FBXW8: variants seen among roughly 807,000 people sequenced by gnomAD.
FBXW8 encodes F-box/WD repeat-containing protein 8.
In FBXW8, 57 loss-of-function variants were observed where a neutral mutation model predicts 65.3. The observed-to-expected ratio is 0.87, with a 90% confidence interval of 0.71 to 1.09. The LOEUF (loss-of-function observed/expected upper bound fraction) is 1.09, where lower values mean the gene tolerates loss of function less well. Ranked by LOEUF, FBXW8 falls within the 50% of genes least tolerant of loss-of-function variation. The pLI, the probability that FBXW8 is intolerant of heterozygous loss-of-function variation, is 0.00. For missense variants in FBXW8, 777 were observed against 814.8 expected (o/e 0.95, Z 0.57); for synonymous variants, 308 against 330.2 (o/e 0.93, Z 0.73).
intron 5 of FBXW8, among the ~76,000 whole-genome samples, chr12:116,975,701 A>G (rs1006272699): frequency 2.0e-5 from 3 of 152,256 alleles, no homozygotes; most frequent in Admixed American, 6.5e-5. Context: ...CTCCTGATAC[A>G]TAATGCACTG....
intron 9 of FBXW8, 120 bp from the exon 10 acceptor site, chr12:117,027,274 A>G (rs2135730332): frequency 1.3e-6 from 1 of 757,742 alleles, no homozygotes; most frequent in Non-Finnish European, 2.3e-6. Context: ...TCCCTCTGTG[A>G]AAGAGAAGCT....
chr12:116,954,339 C>G (rs1461213815), intron 4 of FBXW8, among the ~76,000 whole-genome samples: 1 of 152,030 alleles, frequency 6.6e-6, no homozygotes. Flanking sequence ...CCTCACCAAA[C>G]TGATGAATTT....
At chr12:116,916,353 TTTC>T (rs1286079346) in intron 1 of FBXW8, among the ~76,000 whole-genome samples, 5 of 152,318 alleles carry the variant, frequency 3.3e-5, no homozygotes. Context: ...AGTATTTCAC[TTTC>T]TTCTTTACCA....
intron 7 of FBXW8, among the ~76,000 whole-genome samples, chr12:117,004,342 C>T (rs921970619): frequency 1.2e-4 from 19 of 152,118 alleles, no homozygotes; most frequent in African/African-American, 4.3e-4. Context: ...GTCTAATTCT[C>T]CTTGTTTTTC....
intron 5 of FBXW8, among the ~76,000 whole-genome samples, chr12:116,983,903 T>C (rs1885484005): frequency 6.6e-6 from 1 of 152,248 alleles, no homozygotes. Context: ...TCTTCAACTT[T>C]ACAGAAAGGC....
intron 5 of FBXW8, among the ~76,000 whole-genome samples, chr12:116,969,919 T>C (rs1884550884): frequency 6.6e-6 from 1 of 152,182 alleles, no homozygotes; most frequent in Non-Finnish European, 1.5e-5. Context: ...TGTTTCCGAT[T>C]GTCAGCACTG....
At chr12:116,937,635 G>T (rs371718656) in intron 2 of FBXW8, among the ~76,000 whole-genome samples, 33 of 152,346 alleles carry the variant, frequency 2.2e-4, no homozygotes, top group African/African-American at 7.9e-4. Context: ...ACCAGGGTCA[G>T]TGGTGTGTTG....
intron 7 of FBXW8, among the ~76,000 whole-genome samples, chr12:116,998,411 TATC>T (rs1341042211): frequency 2.0e-5 from 3 of 152,354 alleles, no homozygotes; most frequent in African/African-American, 7.2e-5. Context: ...GATTGAAGAA[TATC>T]ATGTTCATTG....
At chr12:116,934,925 G>A (rs951033160) in intron 2 of FBXW8, among the ~76,000 whole-genome samples, 1 of 152,046 alleles carries the variant, frequency 6.6e-6, no homozygotes, top group Non-Finnish European at 1.5e-5. Context: ...AGTCTTTGAC[G>A]GCCACACTGG....
intron 8 of FBXW8, among the ~76,000 whole-genome samples, chr12:117,019,563 GTGT>G (rs1954038078): frequency 1.3e-5 from 2 of 152,196 alleles, no homozygotes; most frequent in Non-Finnish European, 2.9e-5. Context: ...CTAAAACGAC[GTGT>G]TGTTCCATCC....
intron 2 of FBXW8, among the ~76,000 whole-genome samples, chr12:116,940,830 GC>G (rs1882517285): frequency 6.6e-6 from 1 of 152,168 alleles, no homozygotes; most frequent in Non-Finnish European, 1.5e-5. Context: ...GGACTGCACA[GC>G]CCATATTTGA....
rs756918185 is a variant in FBXW8 at position 117,027,523 on chromosome 12, C to A, written c.1652+19C>A. On this transcript the variant is annotated intron_variant, in intron 10 of 10. Coordinates refer to ENST00000652555, the MANE Select transcript of FBXW8 (RefSeq NM_153348.3). ...ACAGGAGGTTAGTGGTGGGGCCGGG[C>A]GAGTAAGAGACCATCTTAGTTTGAC... 1.3e-6 allele frequency: 2 copies of A among 1,589,696 alleles called. No individual in the cohort carries two copies. The highest frequency in any genetic ancestry group is 1.7e-6 in the Non-Finnish European group (2 of 1,158,284).
At chr12:116,976,493 T>C (rs1884950075) in intron 5 of FBXW8, among the ~76,000 whole-genome samples, 1 of 148,448 alleles carries the variant, frequency 6.7e-6, no homozygotes, top group Non-Finnish European at 1.5e-5. Context: ...TCTCACTCTG[T>C]TGCCCAGGCT....
intron 2 of FBXW8, among the ~76,000 whole-genome samples, chr12:116,933,348 C>G (rs553896315): frequency 2.0e-5 from 3 of 152,256 alleles, no homozygotes; most frequent in African/African-American, 7.2e-5. Context: ...TTTTTGCTCC[C>G]CTGCTTTGTA....
intron 4 of FBXW8, among the ~76,000 whole-genome samples, chr12:116,952,938 A>G (rs1565911581): frequency 6.6e-6 from 1 of 152,124 alleles, no homozygotes; most frequent in Non-Finnish European, 1.5e-5. Context: ...GGGTTTCACC[A>G]TGTTGGCCAG....
At chr12:116,938,127 G>C (rs1480866483) in intron 2 of FBXW8, among the ~76,000 whole-genome samples, 5 of 151,550 alleles carry the variant, frequency 3.3e-5, no homozygotes, top group African/African-American at 1.2e-4. Context: ...AGTTTAACTA[G>C]GTCTTTTTCT....
chr12:116,919,147 G>A (rs1319317284), intron 1 of FBXW8, among the ~76,000 whole-genome samples: 1 of 152,202 alleles, frequency 6.6e-6, no homozygotes, highest in East Asian at 1.9e-4. Flanking sequence ...GCGGATAAGG[G>A]GGGACGACTG....
chr12:116,945,334 T>G (rs1882856080), intron 2 of FBXW8, 30 bp from the exon 3 acceptor site: 1 of 1,590,704 alleles, frequency 6.3e-7, no homozygotes, highest in African/African-American at 1.3e-5. Context: ...ATTGCAGAAT[T>G]TGACATTTGT....
At chr12:116,985,494 C>T in intron 6 of FBXW8, 92 bp downstream of exon 6, 1 of 1,254,516 alleles carries the variant, frequency 8.0e-7, no homozygotes, top group Non-Finnish European at 1.1e-6. Flanking sequence ...AACTCCCATT[C>T]ACTCAGAGCT....
Sources: gnomAD v4.1 joint callset for allele counts (sites outside exome capture counted in the v4.1 genomes callset) on GRCh38, gnomAD v4.1.1 for gene constraint, MANE v1.5 for transcripts, NCBI Gene and HGNC (gene_info 2026-07-23, HGNC 2026-07-21) for gene names.